The following PRKN variants were observed in gnomAD, a reference collection of about 807,000 sequenced individuals.
PRKN encodes the protein parkin RBR E3 ubiquitin protein ligase, also known as E3 ubiquitin-protein ligase parkin.
PRKN carries 56 observed loss-of-function variants against 59.5 expected under a neutral mutation model. The observed-to-expected ratio is 0.94, with a 90% CI of 0.76 to 1.18. The LOEUF (loss-of-function observed/expected upper bound fraction) is 1.18. Ranked by LOEUF, PRKN falls within the 50% of genes most tolerant of loss-of-function variation. PRKN has a pLI of 0.00. For synonymous variants in PRKN, 250 were observed against 222.1 expected, an observed-to-expected ratio of 1.13 and a Z score of -1.12; for missense variants, 657 against 596.4, an observed-to-expected ratio of 1.10 and a Z score of -1.06.
chr6:162,627,617 G>A (rs1226009689), intron 1 of PRKN, among the ~76,000 whole-genome samples: 1 of 152,082 alleles, frequency 6.6e-6, no homozygotes. Context: ...AGATGATGAA[G>A]GGTAAAATGG....
intron 1 of PRKN, among the ~76,000 whole-genome samples, chr6:162,591,308 C>G (rs928016516): frequency 6.6e-6 from 1 of 151,718 alleles, no homozygotes; most frequent in African/African-American, 2.4e-5. Flanking sequence ...GGCCACATGT[C>G]GTGTTCTGCT....
rs553604880 is a variant in PRKN at position 161,851,163 on chromosome 6, C to T, written c.735-65255G>A. The stretch of plus-strand genomic sequence containing the variant: ...TCTGCTCTCATGAATGGATTAATGT[C>T]GTTCTCATGGGAGTGAGTTCCTTAT... On this transcript the variant is annotated intron_variant, in intron 6 of 11. Coordinates refer to ENST00000366898, the MANE Select transcript of PRKN (RefSeq NM_004562.3). 1.7e-4 allele frequency among the ~76,000 whole-genome samples: 26 copies of T among 152,246 alleles called. 1 individual carries two copies. In the South Asian group the frequency reaches 3.9e-3, roughly 23 times the overall value.
intron 1 of PRKN, among the ~76,000 whole-genome samples, chr6:162,617,541 A>G (rs982296886): frequency 1.3e-5 from 2 of 150,942 alleles, no homozygotes; most frequent in African/African-American, 2.5e-5. Context: ...CATATAATAC[A>G]TTATTAACTA....
Position 162,442,474 on chromosome 6 carries a change from G to GA in PRKN, c.171+835dup, listed in dbSNP as rs144249778. Among the ~76,000 whole-genome samples the GA allele has an allele frequency of 2.8e-3, 419 of 152,236 alleles. 2 individuals are homozygous for GA. Among genetic ancestry groups the GA allele is most frequent in the African/African-American group, 9.7e-3 (401 of 41,538 alleles). ...TCAACAAATGTTGAGTTGTATTTGC[G>GA]AGTTTCCCCAACAAAGGACGGGTCT... On this transcript the variant is annotated intron_variant, in intron 2 of 11. Transcript: ENST00000366898.
chr6:161,704,959 A>C (rs2128180266), intron 7 of PRKN, among the ~76,000 whole-genome samples: 1 of 152,298 alleles, frequency 6.6e-6, no homozygotes, highest in Non-Finnish European at 1.5e-5. Context: ...TCCATCCCAA[A>C]TATCCTGATT....
intron 1 of PRKN, among the ~76,000 whole-genome samples, chr6:162,519,695 C>T (rs1030351463): frequency 6.6e-6 from 1 of 152,016 alleles, no homozygotes; most frequent in African/African-American, 2.4e-5. Context: ...GAATAAATGG[C>T]ACTTAGTCCA....
intron 6 of PRKN, among the ~76,000 whole-genome samples, chr6:161,830,346 G>A (rs1792439975): frequency 6.6e-6 from 1 of 151,962 alleles, no homozygotes; most frequent in African/African-American, 2.4e-5. Context: ...CCGCCTCCTG[G>A]GTTCACGCCA....
intron 2 of PRKN, among the ~76,000 whole-genome samples, chr6:162,342,777 T>G (rs961585475): frequency 6.6e-6 from 1 of 152,164 alleles, no homozygotes; most frequent in East Asian, 1.9e-4. Context: ...AGCCCAATCA[T>G]GGTGATGATT....
intron 10 of PRKN, among the ~76,000 whole-genome samples, chr6:161,380,104 G>A (rs1309404990): frequency 6.6e-6 from 1 of 152,130 alleles, no homozygotes; most frequent in Non-Finnish European, 1.5e-5. Context: ...TCAAGGGAGT[G>A]TCTTCCACCT....
At chr6:161,780,184 C>A (rs1790143731) in intron 7 of PRKN, among the ~76,000 whole-genome samples, 1 of 152,172 alleles carries the variant, frequency 6.6e-6, no homozygotes, top group South Asian at 2.1e-4. Context: ...AGGTGAAGAA[C>A]CTTGCCCTGT....
chr6:162,177,565 GC>G (rs1042820524), intron 4 of PRKN, among the ~76,000 whole-genome samples: 9 of 151,926 alleles, frequency 5.9e-5, no homozygotes, highest in African/African-American at 2.2e-4. Context: ...ATAACATAGT[GC>G]TTCCACCAGG....
Position 161,498,564 on chromosome 6 carries a change from CAT to C in PRKN, c.1083+50288_1083+50289del, listed in dbSNP as rs1777839664. The stretch of plus-strand genomic sequence containing the variant: ...GCCAATGAAATGTGGGTGGCAATGA[CAT>C]GTGTAACTTGAGGCCAGAGCCTTTA... On this transcript the variant is annotated intron_variant, in intron 9 of 11. Transcript: ENST00000366898. The surrounding 1 kb of genome is among the most constrained non-coding windows in gnomAD (Gnocchi z 4.2). 6.6e-6 allele frequency among the ~76,000 whole-genome samples: 1 copy of C among 152,146 alleles called. No individual in the cohort carries two copies. Among genetic ancestry groups the C allele is most frequent in the Non-Finnish European group, 1.5e-5 (1 of 68,038 alleles).
intron 6 of PRKN, among the ~76,000 whole-genome samples, chr6:161,863,672 C>G (rs1264823977): frequency 6.6e-6 from 1 of 152,152 alleles, no homozygotes; most frequent in African/African-American, 2.4e-5. Flanking sequence ...TCTACACTTC[C>G]CGCCTCTACT....
intron 1 of PRKN, among the ~76,000 whole-genome samples, chr6:162,622,800 A>AGCAG (rs2128221155): frequency 6.6e-6 from 1 of 152,306 alleles, no homozygotes; most frequent in South Asian, 2.1e-4. Context: ...TGAGCGGAAA[A>AGCAG]GCAGGCAGGC....
rs1785764914 is a variant in PRKN at position 161,377,460 on chromosome 6, C to G, written c.1167+9334G>C. Among the ~76,000 whole-genome samples the G allele has an allele frequency of 6.6e-6, 1 of 152,228 alleles. No homozygotes were observed. The highest frequency in any genetic ancestry group is 1.5e-5 in the Non-Finnish European group (1 of 68,046). ...CACACTGAGGGATCCAAGCTTGGTT[C>G]ACAATTGAGTTAGCTTAACATACGG... On this transcript the variant is annotated intron_variant, in intron 10 of 11. Transcript: ENST00000366898. This position sits in a 1 kb window ranked among gnomAD's most constrained non-coding sequence, Gnocchi z 4.2.
chr6:161,775,987 A>C (rs2128204285), intron 7 of PRKN, among the ~76,000 whole-genome samples: 1 of 152,368 alleles, frequency 6.6e-6, no homozygotes, highest in Non-Finnish European at 1.5e-5. Context: ...AGTAAAAACA[A>C]AAAACAAAAG....
intron 5 of PRKN, among the ~76,000 whole-genome samples, chr6:161,983,964 G>A (rs1046932402): frequency 2.0e-5 from 3 of 151,774 alleles, no homozygotes; most frequent in African/African-American, 7.3e-5. Flanking sequence ...TATAAAATGC[G>A]TGAAAACTAG....
chr6:162,209,551 C>A (rs1164977856), intron 3 of PRKN, among the ~76,000 whole-genome samples: 1 of 152,138 alleles, frequency 6.6e-6, no homozygotes, highest in African/African-American at 2.4e-5. Context: ...TGCAGCGATT[C>A]CTCAAGGATC....
chr6:161,553,081 C>T (rs1242613036), intron 8 of PRKN, among the ~76,000 whole-genome samples: 3 of 151,004 alleles, frequency 2.0e-5, no homozygotes, highest in African/African-American at 7.2e-5. Context: ...TTTTCTTTAT[C>T]ACTCAAGGTT....
Sources: gnomAD v4.1 joint callset for allele counts (sites outside exome capture counted in the v4.1 genomes callset) on GRCh38, gnomAD v4.1.1 for gene constraint, Gnocchi (gnomAD v3.1) non-coding constraint, MANE v1.5 for transcripts, NCBI Gene and HGNC (gene_info 2026-07-23, HGNC 2026-07-21) for gene names.